Variants in CTNNBL1 observed in about 807,000 individuals in gnomAD.
The protein encoded by CTNNBL1 is catenin beta like 1.
A neutral mutation model predicts 72.7 loss-of-function variants in CTNNBL1; 31 were observed. The observed-to-expected ratio is 0.43, with a 90% CI of 0.32 to 0.58. The LOEUF (loss-of-function observed/expected upper bound fraction) is 0.58. CTNNBL1 is among the 20% of genes least tolerant of loss of function. The pLI, the probability that CTNNBL1 is intolerant of heterozygous loss-of-function variation, is 0.08. For missense variants in CTNNBL1, 534 were observed against 725.1 expected (o/e 0.74, Z 3.03); for synonymous variants, 240 against 267.3 (o/e 0.90, Z 1.00).
intron 13 of CTNNBL1, among the ~76,000 whole-genome samples, chr20:37,852,756 T>C (rs953231181): frequency 6.6e-6 from 1 of 152,102 alleles, no homozygotes; most frequent in East Asian, 1.9e-4. Context: ...TTCACGACGG[T>C]TTTTTGTATC....
At chr20:37,745,916 G>A (rs2073257789) in intron 3 of CTNNBL1, among the ~76,000 whole-genome samples, 1 of 152,198 alleles carries the variant, frequency 6.6e-6, no homozygotes, top group South Asian at 2.1e-4. Context: ...TGTAAAGTTG[G>A]TGGTGATTGT....
At chr20:37,809,927 A>C (rs1438305040) in intron 11 of CTNNBL1, among the ~76,000 whole-genome samples, 3 of 152,234 alleles carry the variant, frequency 2.0e-5, no homozygotes, top group African/African-American at 7.2e-5. Context: ...GCTGGTCATT[A>C]AGAGCATTAT....
intron 1 of CTNNBL1, among the ~76,000 whole-genome samples, chr20:37,700,620 C>T (rs1316569829): frequency 1.3e-5 from 2 of 152,154 alleles, no homozygotes; most frequent in Admixed American, 6.5e-5. Flanking sequence ...TTGATGCCTT[C>T]AGGCTTAGAC....
chr20:37,744,514 A>G (rs1370456595), intron 3 of CTNNBL1: 6 of 152,236 alleles, frequency 3.9e-5, no homozygotes, highest in East Asian at 1.9e-4. Flanking sequence ...TTGTGTGGCC[A>G]TTAATCTATG....
chr20:37,868,321 C>G (rs2072554464), intron 15 of CTNNBL1, among the ~76,000 whole-genome samples: 1 of 150,724 alleles, frequency 6.6e-6, no homozygotes, highest in South Asian at 2.1e-4. Context: ...CCACACATTT[C>G]AAGGTTTGAA....
chr20:37,797,492 A>G (rs2073787946), intron 10 of CTNNBL1, among the ~76,000 whole-genome samples: 1 of 151,898 alleles, frequency 6.6e-6, no homozygotes, highest in South Asian at 2.1e-4. Flanking sequence ...TCCCAGGGTA[A>G]TCTTACTCAC....
At chr20:37,821,253 C>T (rs1346605887) in intron 11 of CTNNBL1, among the ~76,000 whole-genome samples, 1 of 152,234 alleles carries the variant, frequency 6.6e-6, no homozygotes, top group Non-Finnish European at 1.5e-5. Flanking sequence ...CTCCCGACAG[C>T]ATCCGTTTTG....
chr20:37,847,612 C>T (rs1467008186), intron 13 of CTNNBL1, among the ~76,000 whole-genome samples: 1 of 152,110 alleles, frequency 6.6e-6, no homozygotes, highest in African/African-American at 2.4e-5. Flanking sequence ...TTTCCATTGG[C>T]TAAGTGTATA....
At chr20:37,712,657 T>A (rs991356544) in intron 1 of CTNNBL1, among the ~76,000 whole-genome samples, 3 of 152,262 alleles carry the variant, frequency 2.0e-5, no homozygotes, top group Non-Finnish European at 4.4e-5. Flanking sequence ...TAAAAAGAAC[T>A]GTTCCTAATG....
At chr20:37,846,361 G>T (rs2072347357) in intron 13 of CTNNBL1, among the ~76,000 whole-genome samples, 1 of 151,994 alleles carries the variant, frequency 6.6e-6, no homozygotes, top group Non-Finnish European at 1.5e-5. Flanking sequence ...AAGAGCGTGG[G>T]CTTTATAGCC....
intron 15 of CTNNBL1, among the ~76,000 whole-genome samples, chr20:37,867,191 C>A (rs79026480): frequency 2.6e-3 from 402 of 152,240 alleles, no homozygotes; most frequent in African/African-American, 9.2e-3. Context: ...GAAGGATTTT[C>A]CTTTCTCAGT....
chr20:37,871,381 G>A (rs1251808153), intron 15 of CTNNBL1, among the ~76,000 whole-genome samples: 2 of 152,112 alleles, frequency 1.3e-5, no homozygotes, highest in African/African-American at 2.4e-5. Flanking sequence ...TTCTGGAGGC[G>A]GGGGGTCCAA....
intron 11 of CTNNBL1, among the ~76,000 whole-genome samples, chr20:37,833,961 C>T (rs970265044): frequency 2.6e-5 from 4 of 152,174 alleles, no homozygotes; most frequent in Non-Finnish European, 5.9e-5. Context: ...TAGCCTATGG[C>T]GTGCCTCAGC....
intron 11 of CTNNBL1, among the ~76,000 whole-genome samples, chr20:37,828,131 T>G (rs533780556): frequency 7.0e-4 from 106 of 152,326 alleles, no homozygotes; most frequent in African/African-American, 2.4e-3. Flanking sequence ...GATATCACAT[T>G]CAGCATTCGT....
intron 4 of CTNNBL1, chr20:37,756,527 T>G (rs1259741080): frequency 2.6e-5 from 4 of 152,016 alleles, no homozygotes; most frequent in African/African-American, 7.3e-5. Context: ...AAAGGAAACT[T>G]ATAAGTTTAG....
At chr20:37,729,207 A>G (rs925717687) in intron 1 of CTNNBL1, among the ~76,000 whole-genome samples, 2 of 152,210 alleles carry the variant, frequency 1.3e-5, no homozygotes, top group Non-Finnish European at 2.9e-5. Context: ...GTAGATTAGC[A>G]GTTTTCCAGA....
In CTNNBL1 at chr20:37,843,855, T is replaced by C. The variant is rs749390021; in HGVS notation, c.1392+1436T>C. The stretch of plus-strand genomic sequence containing the variant: ...CTCAGAAGTTTGCGGATTGATTGAA[T>C]TGATTAACTGGGGCTTTCTTCTTTT... On this transcript the variant is annotated intron_variant, in intron 13 of 15. Coordinates refer to ENST00000361383, the MANE Select transcript of CTNNBL1 (RefSeq NM_030877.5). 2.6e-5 allele frequency among the ~76,000 whole-genome samples: 4 copies of C among 152,324 alleles called. No individual in the cohort carries two copies. The Middle Eastern group carries it at 0.01, about 389-fold the overall frequency.
intron 11 of CTNNBL1, among the ~76,000 whole-genome samples, chr20:37,814,907 C>A (rs1188335670): frequency 6.6e-6 from 1 of 152,104 alleles, no homozygotes; most frequent in African/African-American, 2.4e-5. Context: ...TTCAACACAG[C>A]TTTATTGCTT....
At chr20:37,837,368 T>C (rs2072264174) in intron 11 of CTNNBL1, among the ~76,000 whole-genome samples, 1 of 152,118 alleles carries the variant, frequency 6.6e-6, no homozygotes, top group Non-Finnish European at 1.5e-5. Flanking sequence ...ATCCCAGCTT[T>C]ACATAAAAGT....
Sources: allele counts gnomAD v4.1 joint callset (sites outside exome capture counted in the v4.1 genomes callset), GRCh38; gene constraint gnomAD v4.1.1; transcripts MANE v1.5; gene names NCBI Gene and HGNC (gene_info 2026-07-23, HGNC 2026-07-21).